PTPRD: variants seen among roughly 807,000 people sequenced by gnomAD.
PTPRD encodes the protein receptor-type tyrosine-protein phosphatase delta.
A neutral mutation model predicts 214.5 loss-of-function variants in PTPRD; 34 were observed. The observed-to-expected ratio is 0.16, with a 90% CI of 0.12 to 0.21. The LOEUF is 0.21. PTPRD is among the 10% of genes least tolerant of loss of function. PTPRD has a pLI of 1.00. For missense variants in PTPRD, 2,545 were observed against 2,398.7 expected (o/e 1.06, Z -1.27); for synonymous variants, 1,128 against 845.7 (o/e 1.33, Z -5.79).
intron 7 of PTPRD, among the ~76,000 whole-genome samples, chr9:9,670,365 G>T (rs1429638937): frequency 6.6e-6 from 1 of 152,050 alleles, no homozygotes; most frequent in Non-Finnish European, 1.5e-5. Flanking sequence ...TTTTGTAAGG[G>T]GAGCAGAGCA....
At chr9:8,482,689 C>T (rs1273565826) in intron 30 of PTPRD, among the ~76,000 whole-genome samples, 1 of 152,076 alleles carries the variant, frequency 6.6e-6, no homozygotes, top group Non-Finnish European at 1.5e-5. Context: ...AATGGGTTGC[C>T]ATTGTCTAGA....
chr9:9,007,370 C>T (rs951090444), intron 11 of PTPRD, among the ~76,000 whole-genome samples: 1 of 150,836 alleles, frequency 6.6e-6, no homozygotes, highest in African/African-American at 2.4e-5. Context: ...GTGTAGTCTC[C>T]ATTACCCTCC....
chr9:8,320,267 A>C (rs559985365), intron 44 of PTPRD, among the ~76,000 whole-genome samples: 1 of 152,274 alleles, frequency 6.6e-6, no homozygotes, highest in South Asian at 2.1e-4. Flanking sequence ...GGTAAATAAC[A>C]TATAGGTTTA....
chr9:9,613,127 C>CAT (rs1336099691), intron 7 of PTPRD, among the ~76,000 whole-genome samples: 126 of 39,090 alleles, frequency 3.2e-3, no homozygotes, highest in African/African-American at 7.7e-3. Context: ...CTGCAGTATA[C>CAT]ATACATACAT....
At chr9:9,252,459 G>T (rs1373607416) in intron 9 of PTPRD, among the ~76,000 whole-genome samples, 1 of 151,926 alleles carries the variant, frequency 6.6e-6, no homozygotes, top group Non-Finnish European at 1.5e-5. Flanking sequence ...TTTAGCTGAA[G>T]ATGGTATTTA....
chr9:8,690,890 T>C (rs1473162392), intron 12 of PTPRD, among the ~76,000 whole-genome samples: 1 of 152,208 alleles, frequency 6.6e-6, no homozygotes, highest in Non-Finnish European at 1.5e-5. Context: ...CAGACAATTT[T>C]AATCTTGAAT....
intron 8 of PTPRD, among the ~76,000 whole-genome samples, chr9:9,539,501 A>C (rs2077159955): frequency 6.6e-6 from 1 of 151,834 alleles, no homozygotes. Flanking sequence ...ATTCTGATAA[A>C]ATAATTCTTC....
At position 9,487,295 on chromosome 9, in the gene PTPRD, G is replaced by T. The variant is rs190272243; in HGVS notation, c.-237+87437C>A. Among the ~76,000 whole-genome samples, 30 of 151,628 alleles carry T rather than the reference G, an allele frequency of 2.0e-4. No individual in the cohort carries two copies. In the East Asian group the frequency reaches 5.5e-3, roughly 28 times the overall value. ...CTCATTGTTCAATTCCCACCTATGA[G>T]TGAGAACATGTGGTGTTTAGTTTTT... On this transcript the variant is annotated intron_variant, in intron 8 of 45. Coordinates refer to ENST00000381196, the MANE Select transcript of PTPRD (RefSeq NM_002839.4).
At chr9:8,449,550 A>C (rs1263146424) in intron 34 of PTPRD, among the ~76,000 whole-genome samples, 175 bp downstream of exon 34, 1 of 152,258 alleles carries the variant, frequency 6.6e-6, no homozygotes, top group Non-Finnish European at 1.5e-5. Context: ...GTTTGCAGAA[A>C]GAACTTAATT....
chr9:8,732,161 T>G (rs567952587), intron 12 of PTPRD, among the ~76,000 whole-genome samples: 1 of 152,338 alleles, frequency 6.6e-6, no homozygotes, highest in East Asian at 1.9e-4. Context: ...TCAAACACAA[T>G]TTTAAAAGTC....
At chr9:9,443,504 C>G (rs754747481) in intron 8 of PTPRD, among the ~76,000 whole-genome samples, 1 of 152,198 alleles carries the variant, frequency 6.6e-6, no homozygotes, top group African/African-American at 2.4e-5. Context: ...AGAAGTTTGA[C>G]TTTGCCAGAT....
At chr9:10,096,777 C>T (rs1454502858) in intron 3 of PTPRD, among the ~76,000 whole-genome samples, 2 of 151,914 alleles carry the variant, frequency 1.3e-5, no homozygotes, top group African/African-American at 2.4e-5. Context: ...GCTTTTGTTG[C>T]CATTGCTTTT....
intron 8 of PTPRD, among the ~76,000 whole-genome samples, chr9:9,407,135 A>G (rs533421290): frequency 1.7e-4 from 26 of 151,942 alleles, no homozygotes; most frequent in African/African-American, 5.3e-4. Flanking sequence ...TACCTGATTT[A>G]TAATACTGTA....
intron 2 of PTPRD, among the ~76,000 whole-genome samples, chr9:10,451,736 T>C (rs1285308382): frequency 6.7e-6 from 1 of 150,200 alleles, no homozygotes; most frequent in South Asian, 2.1e-4. Context: ...TTCTAAGTAT[T>C]CATGTGTGTT....
chr9:9,418,082 G>A (rs568755287), intron 8 of PTPRD, among the ~76,000 whole-genome samples: 9 of 152,118 alleles, frequency 5.9e-5, no homozygotes, highest in African/African-American at 1.9e-4. Flanking sequence ...TTTCTCATCT[G>A]TGTAAGAGCA....
chr9:9,575,717 C>CACAAA (rs2088323086), intron 7 of PTPRD, among the ~76,000 whole-genome samples: 1 of 33,312 alleles, frequency 3.0e-5, no homozygotes, highest in Non-Finnish European at 5.3e-5. Context: ...AAGACTGTCT[C>CACAAA]AAAAAAAAAA....
chr9:9,011,262 G>C (rs1280391157), intron 11 of PTPRD, among the ~76,000 whole-genome samples: 1 of 151,974 alleles, frequency 6.6e-6, no homozygotes, highest in East Asian at 1.9e-4. Flanking sequence ...TCTTTTTTGG[G>C]GGAAATAGCT....
chr9:8,484,018 A>G lies in PTPRD; in HGVS notation c.3413+101T>C, dbSNP rs1336649968. 2.8e-6 allele frequency: 4 copies of G among 1,431,866 alleles called. No individual in the cohort carries two copies. In the East Asian group the frequency reaches 9.2e-5, roughly 33 times the overall value. The allele number at this position is 1,431,866 out of a possible 1,614,324, so 88.7% of individuals were successfully genotyped here. On this transcript the variant is annotated intron_variant, in intron 30 of 45. Coordinates refer to ENST00000381196, the MANE Select transcript of PTPRD (RefSeq NM_002839.4). ...TCTGAGCAGAAGAATCTTTCACTAC[A>G]TTAAGCAGTATCTTCTTTTACGACC...
At chr9:10,365,789 A>C (rs998532426) in intron 2 of PTPRD, among the ~76,000 whole-genome samples, 2 of 152,286 alleles carry the variant, frequency 1.3e-5, no homozygotes, top group East Asian at 3.9e-4. Flanking sequence ...AATAATATTA[A>C]TTATAATAAA....
Sources: allele counts gnomAD v4.1 joint callset (sites outside exome capture counted in the v4.1 genomes callset), GRCh38; gene constraint gnomAD v4.1.1; transcripts MANE v1.5; gene names NCBI Gene and HGNC (gene_info 2026-07-23, HGNC 2026-07-21).